RCOR1: variants seen among roughly 807,000 people sequenced by gnomAD.
RCOR1 encodes REST corepressor.
RCOR1 carries 12 observed loss-of-function variants against 64.0 expected under a neutral mutation model. That is an observed-to-expected ratio of 0.19 (90% CI 0.12 to 0.30). The LOEUF (loss-of-function observed/expected upper bound fraction) is 0.30. Ranked by LOEUF, RCOR1 falls within the 10% of genes least tolerant of loss-of-function variation. The pLI is 1.00. For synonymous variants in RCOR1, 279 were observed against 227.2 expected (o/e 1.23, Z -2.05); for missense variants, 502 against 621.2 (o/e 0.81, Z 2.04).
chr14:102,607,374 G>GTA (rs1893533177), intron 2 of RCOR1, among the ~76,000 whole-genome samples: 1 of 152,134 alleles, frequency 6.6e-6, no homozygotes, highest in South Asian at 2.1e-4. Context: ...TAATGAATTT[G>GTA]TATAAATTGG....
At chr14:102,625,556 G>A (rs1384645732) in intron 2 of RCOR1, among the ~76,000 whole-genome samples, 1 of 149,130 alleles carries the variant, frequency 6.7e-6, no homozygotes, top group African/African-American at 2.5e-5. Context: ...TTTAAATAGA[G>A]ACAGTGTCTC....
intron 2 of RCOR1, among the ~76,000 whole-genome samples, chr14:102,598,585 C>CTGTA (rs766851368): frequency 1.0e-4 from 15 of 150,304 alleles, no homozygotes; most frequent in Non-Finnish European, 1.8e-4. Context: ...GTAGCTGGGA[C>CTGTA]TACAGGCGCC....
chr14:102,681,604 A>G (rs984738835), intron 2 of RCOR1, among the ~76,000 whole-genome samples: 5 of 152,376 alleles, frequency 3.3e-5, no homozygotes, highest in African/African-American at 1.2e-4. Flanking sequence ...TTAACATTTT[A>G]AAAGAACCTT....
intron 2 of RCOR1, among the ~76,000 whole-genome samples, chr14:102,610,298 T>C (rs1396788960): frequency 1.3e-5 from 2 of 152,180 alleles, no homozygotes; most frequent in African/African-American, 2.4e-5. Context: ...CTTGTAGTTA[T>C]CTAGAGCTGT....
intron 2 of RCOR1, among the ~76,000 whole-genome samples, chr14:102,618,264 A>C (rs1211610052): frequency 6.6e-6 from 1 of 151,788 alleles, no homozygotes; most frequent in South Asian, 2.1e-4. Flanking sequence ...GTCGTGAGCC[A>C]CTGTGCCTGT....
chr14:102,694,293 G>GT (rs1420397755), intron 3 of RCOR1, among the ~76,000 whole-genome samples: 1 of 152,106 alleles, frequency 6.6e-6, no homozygotes, highest in African/African-American at 2.4e-5. Context: ...GTCTTGCTCT[G>GT]TTGCCCAGGC....
At chr14:102,690,544 T>C (rs1244945465) in intron 3 of RCOR1, among the ~76,000 whole-genome samples, 1 of 152,046 alleles carries the variant, frequency 6.6e-6, no homozygotes, top group Non-Finnish European at 1.5e-5. Flanking sequence ...TGAGCTGTGA[T>C]TGCGCCACTG....
chr14:102,721,045 A>G lies in RCOR1; in HGVS notation c.1092A>G (p.Glu364=), dbSNP rs777420521. ...NIKQTNSALK[E]KLDGGIEPYR... is the part of the protein sequence containing the mutation. ...AACAGACAAACAGTGCTCTCAAAGA[A>G]AAACTTGATGGTGGAATAGAACCAT... Residue 364 remains glutamate (E), a synonymous_variant, in exon 9 of 12, where the codon GAA becomes GAG. Transcript: ENST00000262241. 6.3e-7 allele frequency: 1 copy of G among 1,580,010 alleles called. No individual in the cohort carries two copies. The highest frequency in any genetic ancestry group is 8.6e-7 in the Non-Finnish European group (1 of 1,159,664).
At chr14:102,701,457 T>C in intron 4 of RCOR1, 127 bp downstream of exon 4, 1 of 617,064 alleles carries the variant, frequency 1.6e-6, no homozygotes, top group Non-Finnish European at 2.7e-6. Context: ...TAATTACTAG[T>C]AGTGTTACAC....
intron 2 of RCOR1, among the ~76,000 whole-genome samples, chr14:102,594,974 T>C (rs777153051): frequency 1.3e-5 from 2 of 152,214 alleles, no homozygotes; most frequent in Non-Finnish European, 2.9e-5. Context: ...TTGAAAACTT[T>C]ATGTAGATGT....
intron 2 of RCOR1, among the ~76,000 whole-genome samples, chr14:102,677,067 G>T (rs1244878639): frequency 5.3e-4 from 68 of 127,726 alleles, no homozygotes; most frequent in African/African-American, 2.0e-3. Context: ...GGGGCGGCTG[G>T]CCGGGCAGAG....
At chr14:102,638,502 T>A (rs1321453637) in intron 2 of RCOR1, among the ~76,000 whole-genome samples, 1 of 151,904 alleles carries the variant, frequency 6.6e-6, no homozygotes, top group Non-Finnish European at 1.5e-5. Context: ...CCTGCCACCA[T>A]GCCCAGCTCA....
Position 102,722,325 on chromosome 14 carries a change from A to G in RCOR1, c.1328A>G (p.Glu443Gly). ...GAAGTTTTACAAGAATGGGAGGCAG[A>G]ACATGGTAAAGAAGAGACCAATGGG... ...IDEVLQEWEA[E>G]HGKEETNGPS... Residue 443 changes from glutamate (E) to glycine (G), a missense_variant, in exon 11 of 12, where the codon GAA (glutamate) becomes GGA (glycine). This residue lies in a region of RCOR1 where 260 missense variants were observed against 416.4 expected (regional missense o/e 0.62). Transcript: ENST00000262241. 1.2e-6 allele frequency: 2 copies of G among 1,614,216 alleles called. No homozygotes were observed. The highest frequency in any genetic ancestry group is 1.7e-6 in the Non-Finnish European group (2 of 1,180,042).
intron 2 of RCOR1, among the ~76,000 whole-genome samples, chr14:102,648,165 G>A (rs1358111445): frequency 6.6e-6 from 1 of 151,808 alleles, no homozygotes; most frequent in East Asian, 1.9e-4. Context: ...TGCAACCCCC[G>A]CCTCCCGGGT....
intron 2 of RCOR1, among the ~76,000 whole-genome samples, chr14:102,601,276 G>C (rs930965880): frequency 2.6e-5 from 4 of 152,062 alleles, no homozygotes; most frequent in African/African-American, 9.7e-5. Flanking sequence ...GCCTCCCAAA[G>C]TGCTGGGATT....
In RCOR1 at chr14:102,592,836, C is replaced by T. The variant is rs1217633270; in HGVS notation, c.-51C>T. ...CCCCTCCCCCGTCTCGGCGCCCCCT[C>T]CTCAGGAGCCGCGGGTCCCCGCCAC... On this transcript the variant is annotated 5_prime_UTR_variant, in exon 1 of 12. Transcript: ENST00000262241. The T allele has an allele frequency of 9.4e-6, 11 of 1,175,996 alleles. No individual in the cohort carries two copies. Among genetic ancestry groups the T allele is most frequent in the Admixed American group, 4.7e-5 (1 of 21,486 alleles). The allele number at this position is 1,175,996 out of a possible 1,614,324, so 72.8% of individuals were successfully genotyped here.
chr14:102,673,536 T>G (rs545466315), intron 2 of RCOR1, among the ~76,000 whole-genome samples: 1 of 151,776 alleles, frequency 6.6e-6, no homozygotes, highest in Admixed American at 6.6e-5. Flanking sequence ...GGGGTTTCAC[T>G]GTGTTAGCCA....
chr14:102,714,821 T>G (rs1896035255), intron 8 of RCOR1, among the ~76,000 whole-genome samples: 1 of 152,250 alleles, frequency 6.6e-6, no homozygotes, highest in Non-Finnish European at 1.5e-5. Flanking sequence ...TAGTGTGATC[T>G]GAAAGTATTT....
At position 102,730,103 on chromosome 14, in the gene RCOR1, G is replaced by A. The variant is rs949085974; in HGVS notation, c.*3597G>A. On this transcript the variant is annotated 3_prime_UTR_variant, in exon 12 of 12. Transcript: ENST00000262241. ...GGGAAGGTCAGCAGAGGCTATGCATGTTGTGTGATGATGAGTGTTTACAGC... is the reference window on the plus strand; with the variant it reads ...GGGAAGGTCAGCAGAGGCTATGCATATTGTGTGATGATGAGTGTTTACAGC... 12 of 398,570 alleles carry A rather than the reference G, an allele frequency of 3.0e-5. No homozygotes were observed. The highest frequency in any genetic ancestry group is 4.9e-5 in the Non-Finnish European group (11 of 226,044). 24.7% of individuals were successfully genotyped at this position (398,570 alleles called of 1,614,324 possible). A position where few individuals can be genotyped will look rare whatever the true frequency, so the allele number is the denominator to read the frequency against.
Sources: allele counts gnomAD v4.1 joint callset (sites outside exome capture counted in the v4.1 genomes callset), GRCh38; gene constraint gnomAD v4.1.1; regional missense constraint gnomAD v4.1.1; transcripts MANE v1.5; gene names NCBI Gene and HGNC (gene_info 2026-07-23, HGNC 2026-07-21).